TSPAN9: variants seen among roughly 807,000 people sequenced by gnomAD.
TSPAN9 encodes tetraspanin-9.
In TSPAN9, 16 loss-of-function variants were observed where a neutral mutation model predicts 31.0. The ratio of observed to expected loss-of-function variants is 0.52; its 90% CI spans 0.35 to 0.78. The LOEUF is 0.78. Ranked by LOEUF, TSPAN9 falls within the 30% of genes least tolerant of loss-of-function variation. The pLI is 0.01. For missense variants in TSPAN9, 272 were observed against 312.5 expected, an observed-to-expected ratio of 0.87 and a Z score of 0.98; for synonymous variants, 145 against 121.6, an observed-to-expected ratio of 1.19 and a Z score of -1.27.
At chr12:3,176,888 G>T (rs2098355984) in intron 2 of TSPAN9, among the ~76,000 whole-genome samples, 1 of 152,218 alleles carries the variant, frequency 6.6e-6, no homozygotes, top group African/African-American at 2.4e-5. Flanking sequence ...GGCCACTGAA[G>T]TGTGTCAGCT....
chr12:3,255,162 T>C (rs752709779), intron 3 of TSPAN9, among the ~76,000 whole-genome samples: 4 of 152,244 alleles, frequency 2.6e-5, no homozygotes, highest in African/African-American at 4.8e-5. Context: ...GGCTGATGGG[T>C]GCAGGGACAG....
At chr12:3,256,543 G>T (rs201233831) in intron 3 of TSPAN9, among the ~76,000 whole-genome samples, 1 of 152,194 alleles carries the variant, frequency 6.6e-6, no homozygotes, top group Non-Finnish European at 1.5e-5. Context: ...CGTAATCGTC[G>T]ATTTCGGGAG....
intron 2 of TSPAN9, among the ~76,000 whole-genome samples, chr12:3,189,984 A>G (rs2098363467): frequency 6.6e-6 from 1 of 152,192 alleles, no homozygotes; most frequent in African/African-American, 2.4e-5. Flanking sequence ...GCGAGAGTGG[A>G]ACATGCACAG....
In TSPAN9 at chr12:3,132,361, G is replaced by A. The variant is rs551004547; in HGVS notation, c.-18+48642G>A. On this transcript the variant is annotated intron_variant, in intron 2 of 8. Transcript: ENST00000011898. The stretch of plus-strand genomic sequence containing the variant: ...GAACAGCCAAACTGTTTTCCACAGC[G>A]GCTGTACCACTTTACATCCCTGCCG... 1.5e-3 allele frequency among the ~76,000 whole-genome samples: 228 copies of A among 152,102 alleles called. 1 individual carries two copies. Among genetic ancestry groups the A allele is most frequent in the African/African-American group, 4.9e-3 (205 of 41,482 alleles).
chr12:3,165,040 G>T (rs1025366840), intron 2 of TSPAN9, among the ~76,000 whole-genome samples: 1 of 152,198 alleles, frequency 6.6e-6, no homozygotes, highest in East Asian at 1.9e-4. Flanking sequence ...TGGCCTGGCC[G>T]TAGAGGGGTA....
intron 2 of TSPAN9, among the ~76,000 whole-genome samples, chr12:3,121,533 C>CTTT (rs59376087): frequency 0.011 from 1,037 of 92,838 alleles, 5 homozygotes; most frequent in African/African-American, 0.015. Context: ...CTAATTAAAA[C>CTTT]TTTTTTTTTT....
intron 1 of TSPAN9, among the ~76,000 whole-genome samples, chr12:3,083,220 C>T (rs35896418): frequency 2.0e-5 from 3 of 152,122 alleles, no homozygotes; most frequent in African/African-American, 4.8e-5. Flanking sequence ...GACCTCATAG[C>T]GTACGCGATG....
chr12:3,243,337 T>A (rs569024058), intron 3 of TSPAN9, among the ~76,000 whole-genome samples: 1 of 152,138 alleles, frequency 6.6e-6, no homozygotes, highest in Non-Finnish European at 1.5e-5. Context: ...ACCACCTCAT[T>A]GAATTCCTGC....
chr12:3,260,509 G>A (rs1025807349), intron 3 of TSPAN9, among the ~76,000 whole-genome samples: 6 of 152,226 alleles, frequency 3.9e-5, no homozygotes, highest in Admixed American at 6.5e-5. Flanking sequence ...TCATAGTCCC[G>A]TGCTGCTGGG....
chr12:3,183,754 C>T (rs984440246), intron 2 of TSPAN9, among the ~76,000 whole-genome samples: 26 of 152,088 alleles, frequency 1.7e-4, no homozygotes, highest in African/African-American at 5.6e-4. Flanking sequence ...AGAGGGAACT[C>T]GGCATTTGGG....
intron 2 of TSPAN9, among the ~76,000 whole-genome samples, chr12:3,185,498 T>C (rs949783655): frequency 4.6e-5 from 7 of 152,162 alleles, no homozygotes; most frequent in African/African-American, 1.7e-4. Flanking sequence ...AGGGTGGGCC[T>C]GGGAGTTTCC....
At chr12:3,111,782 T>C (rs1324851229) in intron 2 of TSPAN9, among the ~76,000 whole-genome samples, 1 of 152,066 alleles carries the variant, frequency 6.6e-6, no homozygotes. Flanking sequence ...TGGCTAATTT[T>C]TGTATTTTTA....
chr12:3,235,140 G>A (rs1317054992), intron 3 of TSPAN9, among the ~76,000 whole-genome samples: 1 of 119,264 alleles, frequency 8.4e-6, no homozygotes, highest in Non-Finnish European at 1.7e-5. Flanking sequence ...CAGAGCTTGC[G>A]CCACTGCACT....
At chr12:3,206,455 C>T in intron 3 of TSPAN9, 1 of 427,590 alleles carries the variant, frequency 2.3e-6, no homozygotes, top group South Asian at 1.6e-5. Flanking sequence ...AGCAGGCCTG[C>T]ACCCAGAGCC....
At position 3,268,778 on chromosome 12, in the gene TSPAN9, C is replaced by G. The variant is rs1285970577; in HGVS notation, c.64-9643C>G. ...CGTGCGTTTCTGCAGCCTGCCCTCT[C>G]TGTGTTCCTGCAGCCTGCCCTCTCT... On this transcript the variant is annotated intron_variant, in intron 3 of 8. Coordinates refer to ENST00000011898, the MANE Select transcript of TSPAN9 (RefSeq NM_006675.5). 2.6e-3 allele frequency among the ~76,000 whole-genome samples: 182 copies of G among 69,384 alleles called. 3 individuals carry two copies. Among genetic ancestry groups the G allele is most frequent in the African/African-American group, 7.4e-3 (161 of 21,844 alleles). 45.5% of individuals were successfully genotyped at this position (69,384 alleles called of 152,430 possible).
chr12:3,100,871 G>C (rs780278565), intron 2 of TSPAN9, among the ~76,000 whole-genome samples: 4 of 152,186 alleles, frequency 2.6e-5, no homozygotes, highest in Non-Finnish European at 5.9e-5. Flanking sequence ...CTTGTACCTA[G>C]CTCAGTGCTA....
At chr12:3,126,138 C>T (rs1286495764) in intron 2 of TSPAN9, among the ~76,000 whole-genome samples, 1 of 152,180 alleles carries the variant, frequency 6.6e-6, no homozygotes, top group East Asian at 1.9e-4. Flanking sequence ...TCACTTTCCT[C>T]CTCTGTCAAA....
intron 3 of TSPAN9, among the ~76,000 whole-genome samples, chr12:3,243,010 C>T (rs1378367719): frequency 2.0e-5 from 3 of 152,172 alleles, no homozygotes; most frequent in Non-Finnish European, 2.9e-5. Context: ...GGTCTCCTAA[C>T]CAGTCTCTGA....
chr12:3,208,785 C>G (rs11062566), intron 3 of TSPAN9, among the ~76,000 whole-genome samples: 6,706 of 152,334 alleles, frequency 0.044, 171 homozygotes, highest in South Asian at 0.081. Flanking sequence ...GCCCATGAGC[C>G]TCTGTGACCC....
Sources: gnomAD v4.1 joint callset for allele counts (sites outside exome capture counted in the v4.1 genomes callset) on GRCh38, gnomAD v4.1.1 for gene constraint, MANE v1.5 for transcripts, NCBI Gene and HGNC (gene_info 2026-07-23, HGNC 2026-07-21) for gene names.